The following STAU2 variants were observed in gnomAD, a reference collection of about 807,000 sequenced individuals.
STAU2 encodes the protein double-stranded RNA-binding protein Staufen homolog 2.
A neutral mutation model predicts 65.9 loss-of-function variants in STAU2; 20 were observed. That is an observed-to-expected ratio of 0.30 (90% CI 0.21 to 0.44). The LOEUF (loss-of-function observed/expected upper bound fraction) is 0.44, where lower values mean the gene tolerates loss of function less well. STAU2 is among the 20% of genes least tolerant of loss of function. STAU2 has a pLI of 1.00. For synonymous variants in STAU2, 232 were observed against 233.9 expected, an observed-to-expected ratio of 0.99 and a Z score of 0.07; for missense variants, 558 against 683.9, an observed-to-expected ratio of 0.82 and a Z score of 2.05.
intron 13 of STAU2, among the ~76,000 whole-genome samples, chr8:73,456,916 A>G (rs536919313): frequency 6.6e-6 from 1 of 152,346 alleles, no homozygotes; most frequent in South Asian, 2.1e-4. Context: ...AACAACATTT[A>G]CCAAATGAAA....
intron 13 of STAU2, among the ~76,000 whole-genome samples, chr8:73,527,137 C>T (rs1217440034): frequency 2.0e-5 from 3 of 152,160 alleles, no homozygotes; most frequent in Non-Finnish European, 4.4e-5. Context: ...ATGCTGTACA[C>T]GTTTGTAGTG....
chr8:73,471,817 TAAAAA>T (rs569600617), intron 13 of STAU2, among the ~76,000 whole-genome samples: 10 of 86,806 alleles, frequency 1.2e-4, no homozygotes, highest in African/African-American at 3.7e-4. Context: ...AGACTCCAAC[TAAAAA>T]AAAAAAAAAA....
chr8:73,489,999 T>A (rs1821083684), intron 13 of STAU2, among the ~76,000 whole-genome samples: 1 of 152,028 alleles, frequency 6.6e-6, no homozygotes, highest in Non-Finnish European at 1.5e-5. Flanking sequence ...ATCTGCAGTT[T>A]AAAAAAATTC....
intron 6 of STAU2, among the ~76,000 whole-genome samples, chr8:73,654,664 A>AAAAAAC (rs1554556802): frequency 8.1e-6 from 1 of 122,986 alleles, no homozygotes; most frequent in African/African-American, 3.0e-5. Context: ...AAAAAAAAGA[A>AAAAAAC]CTCTTTTAAT....
At chr8:73,460,947 T>G (rs969344397) in intron 13 of STAU2, among the ~76,000 whole-genome samples, 63 of 152,122 alleles carry the variant, frequency 4.1e-4, no homozygotes, top group African/African-American at 1.5e-3. Flanking sequence ...AGCTCTGAGC[T>G]TCTGTTTCTG....
chr8:73,456,289 T>C (rs1189093448), intron 13 of STAU2, among the ~76,000 whole-genome samples: 1 of 152,198 alleles, frequency 6.6e-6, no homozygotes, highest in Non-Finnish European at 1.5e-5. Context: ...CAGTTGGTGA[T>C]ATAGAAGACT....
chr8:73,503,596 T>C (rs1821883128), intron 13 of STAU2, among the ~76,000 whole-genome samples: 1 of 151,796 alleles, frequency 6.6e-6, no homozygotes, highest in Non-Finnish European at 1.5e-5. Context: ...ATACTAAATG[T>C]TTGTTGATTT....
chr8:73,443,419 T>C (rs1585767778), intron 13 of STAU2, among the ~76,000 whole-genome samples: 1 of 152,306 alleles, frequency 6.6e-6, no homozygotes, highest in Non-Finnish European at 1.5e-5. Context: ...GGAAAACGAA[T>C]GAATGAATAC....
chr8:73,560,375 T>C (rs975495032), intron 12 of STAU2, among the ~76,000 whole-genome samples: 1 of 152,128 alleles, frequency 6.6e-6, no homozygotes, highest in East Asian at 1.9e-4. Context: ...CCACCACGCC[T>C]GGCCAAAATG....
chr8:73,721,955 C>A (rs943861933), intron 3 of STAU2, among the ~76,000 whole-genome samples: 1 of 151,868 alleles, frequency 6.6e-6, no homozygotes, highest in Admixed American at 6.6e-5. Context: ...TATATTTTTC[C>A]CATTTGGTGT....
intron 3 of STAU2, 71 bp from the exon 4 acceptor site, chr8:73,709,233 C>T (rs1820722860): frequency 8.1e-7 from 1 of 1,236,256 alleles, no homozygotes; most frequent in Non-Finnish European, 1.1e-6. Flanking sequence ...CTAGTTTTGA[C>T]TTTGAAGGTA....
chr8:73,689,613 C>T (rs748174879), intron 4 of STAU2, among the ~76,000 whole-genome samples: 7 of 152,126 alleles, frequency 4.6e-5, no homozygotes, highest in Non-Finnish European at 8.8e-5. Flanking sequence ...TCCATATGAG[C>T]CCCCAAACCT....
At chr8:73,617,548 G>A (rs1812919059) in intron 6 of STAU2, 97 bp from the exon 7 acceptor site, 1 of 1,193,908 alleles carries the variant, frequency 8.4e-7, no homozygotes, top group Non-Finnish European at 1.2e-6. Flanking sequence ...TATATAATGT[G>A]CTATACTCTT....
At chr8:73,536,216 G>A (rs776428489) in intron 13 of STAU2, among the ~76,000 whole-genome samples, 2 of 152,124 alleles carry the variant, frequency 1.3e-5, no homozygotes, top group Non-Finnish European at 2.9e-5. Context: ...GAGGAAGACT[G>A]ACTAGGGTCT....
intron 5 of STAU2, among the ~76,000 whole-genome samples, chr8:73,685,272 T>C (rs1818717468): frequency 6.6e-6 from 1 of 151,988 alleles, no homozygotes; most frequent in African/African-American, 2.4e-5. Flanking sequence ...TATAGCAGTG[T>C]GAGAACAGAC....
rs79464659 is a variant in STAU2, at chr8:73,637,860, T to C, written c.411-20409A>G. ...ATAACATTGTGGAAGTTATGATCTA[T>C]ATAAATGTAATACAAATGACATCTA... On this transcript the variant is annotated intron_variant, in intron 6 of 14. Coordinates refer to ENST00000524300, the MANE Select transcript of STAU2 (RefSeq NM_001164380.2). Among the ~76,000 whole-genome samples the C allele has an allele frequency of 6.2e-3, 941 of 152,236 alleles. 7 individuals carry two copies. Among genetic ancestry groups the C allele is most frequent in the African/African-American group, 0.021 (883 of 41,562 alleles).
chr8:73,499,359 G>T (rs2128919224), intron 13 of STAU2, among the ~76,000 whole-genome samples: 1 of 151,940 alleles, frequency 6.6e-6, no homozygotes, highest in South Asian at 2.1e-4. Context: ...CTTGAAAGTG[G>T]ATAGGACCCA....
intron 6 of STAU2, among the ~76,000 whole-genome samples, chr8:73,619,762 G>A (rs1371612171): frequency 6.6e-6 from 1 of 152,022 alleles, no homozygotes; most frequent in Non-Finnish European, 1.5e-5. Context: ...AGACAGCAGT[G>A]AAAGAGATGA....
intron 1 of STAU2, among the ~76,000 whole-genome samples, chr8:73,745,979 T>C (rs1284314980): frequency 6.6e-6 from 1 of 151,424 alleles, no homozygotes; most frequent in African/African-American, 2.4e-5. Flanking sequence ...AGACTAGAGT[T>C]CCTGCTCTCA....
Sources: gnomAD v4.1 joint callset for allele counts (sites outside exome capture counted in the v4.1 genomes callset) on GRCh38, gnomAD v4.1.1 for gene constraint, MANE v1.5 for transcripts, NCBI Gene and HGNC (gene_info 2026-07-23, HGNC 2026-07-21) for gene names.